OXNAD1: variants seen among roughly 807,000 people sequenced by gnomAD.
OXNAD1 encodes the protein oxidoreductase NAD binding domain containing 1.
A neutral mutation model predicts 32.9 loss-of-function variants in OXNAD1; 34 were observed. The ratio of observed to expected loss-of-function variants is 1.03; its 90% CI spans 0.79 to 1.38. The LOEUF (loss-of-function observed/expected upper bound fraction) is 1.38, where lower values mean the gene tolerates loss of function less well. Ranked by LOEUF, OXNAD1 falls within the 40% of genes most tolerant of loss-of-function variation. The pLI, the probability that OXNAD1 is intolerant of heterozygous loss-of-function variation, is 0.00. For synonymous variants in OXNAD1, 134 were observed against 135.2 expected, an observed-to-expected ratio of 0.99 and a Z score of 0.06; for missense variants, 407 against 379.4, an observed-to-expected ratio of 1.07 and a Z score of -0.60.
In OXNAD1 at chr3:16,301,265, A is replaced by G. The variant is rs539267652; in HGVS notation, c.433-361A>G. 8.5e-5 allele frequency among the ~76,000 whole-genome samples: 13 copies of G among 152,366 alleles called. No homozygotes were observed. Among genetic ancestry groups the G allele is most frequent in the African/African-American group, 3.1e-4 (13 of 41,592 alleles). Reference sequence around the variant, plus strand: ...TCAGCTTTGGTTAGAACACAGGAACACAACTCAGATAAAGGAGACCCATAC... The same window carrying G: ...TCAGCTTTGGTTAGAACACAGGAACGCAACTCAGATAAAGGAGACCCATAC... On this transcript the variant is annotated intron_variant, in intron 6 of 8. Transcript: ENST00000285083. The surrounding 1 kb of genome is among the most constrained non-coding windows in gnomAD (Gnocchi z 4.1).
chr3:16,313,714 A>G (rs1013212146), intron 9 of OXNAD1: 2 of 152,142 alleles, frequency 1.3e-5, no homozygotes, highest in Non-Finnish European at 2.9e-5. Flanking sequence ...ACACATGTAG[A>G]CTGGGTCTAG....
intron 9 of OXNAD1, among the ~76,000 whole-genome samples, chr3:16,311,136 TCCC>T (rs2067953314): frequency 6.9e-6 from 1 of 145,702 alleles, no homozygotes; most frequent in Non-Finnish European, 1.5e-5. Context: ...CACAACTCCC[TCCC>T]TCCCTCCCAA....
intron 4 of OXNAD1, among the ~76,000 whole-genome samples, chr3:16,283,221 C>G (rs1224375718): frequency 6.6e-6 from 1 of 152,154 alleles, no homozygotes; most frequent in Non-Finnish European, 1.5e-5. Context: ...CAGGTGCAGT[C>G]TTCTCTATCT....
downstream of OXNAD1, among the ~76,000 whole-genome samples, chr3:16,310,233 C>A (rs902493951): frequency 3.3e-5 from 5 of 152,126 alleles, no homozygotes; most frequent in African/African-American, 1.2e-4. Flanking sequence ...TATTAACTTA[C>A]GCATTTTGTG....
downstream of OXNAD1, among the ~76,000 whole-genome samples, chr3:16,337,883 G>T (rs1452465022): frequency 1.3e-5 from 2 of 152,194 alleles, no homozygotes; most frequent in Non-Finnish European, 2.9e-5. The surrounding 1 kb of genome is among the most constrained non-coding windows in gnomAD (Gnocchi z 5.0). Context: ...CTCCAGGCCG[G>T]ACACTTTGGC....
In OXNAD1 at chr3:16,312,694, G is replaced by C. The variant is rs1250107872; in HGVS notation, c.*30+9102G>C. On this transcript the variant is annotated intron_variant, in intron 9 of 9. Coordinates refer to the OXNAD1 transcript ENST00000435829. This position sits in a 1 kb window ranked among gnomAD's most constrained non-coding sequence, Gnocchi z 4.7. ...CTACACCTGAGAGCTATTCCTGAAC[G>C]ATTTTGTGGTTTAGAGAGGGCCATG... Among the ~76,000 whole-genome samples the C allele has an allele frequency of 1.3e-5, 2 of 152,204 alleles. No homozygotes were observed.
At chr3:16,328,164 T>G (rs1574985761) in intron 9 of OXNAD1, among the ~76,000 whole-genome samples, 1 of 152,248 alleles carries the variant, frequency 6.6e-6, no homozygotes, top group African/African-American at 2.4e-5. Context: ...AAGGGCTCTC[T>G]GGCAGGGCCA....
At chr3:16,319,617 A>C (rs1377832048) in intron 9 of OXNAD1, among the ~76,000 whole-genome samples, 1 of 152,202 alleles carries the variant, frequency 6.6e-6, no homozygotes, top group East Asian at 1.9e-4. Flanking sequence ...TGCTCTTGCT[A>C]AATAACAGAG....
At chr3:16,293,747 GA>G (rs1213964096) in intron 5 of OXNAD1, among the ~76,000 whole-genome samples, 6 of 152,324 alleles carry the variant, frequency 3.9e-5, no homozygotes, top group African/African-American at 1.4e-4. Flanking sequence ...TCTTAGGGGG[GA>G]AACTTTCAGC....
At position 16,303,386 on chromosome 3, in the gene OXNAD1, T is replaced by A; in HGVS notation, c.785-22T>A. The A allele has an allele frequency of 1.2e-6, 2 of 1,612,244 alleles. No homozygotes were observed. Among genetic ancestry groups the A allele is most frequent in the Middle Eastern group, 1.7e-4 (1 of 6,048 alleles). On this transcript the variant is annotated intron_variant, in intron 8 of 8. Coordinates refer to ENST00000285083, the MANE Select transcript of OXNAD1 (RefSeq NM_138381.5). This position sits in a 1 kb window ranked among gnomAD's most constrained non-coding sequence, Gnocchi z 4.8. ...TACAACCATGTCTGGCTTAATTTGG[T>A]GTTTATTCTGGTTTTTGGTAGAAGG... is the stretch of plus-strand genomic sequence containing the variant.
Position 16,265,659 on chromosome 3 carries a change from TAAC to T in OXNAD1, c.-159+156_-159+158del, listed in dbSNP as rs2064437540. Among the ~76,000 whole-genome samples, 1 of 152,234 alleles carries T rather than the reference TAAC, an allele frequency of 6.6e-6. No homozygotes were observed. The highest frequency in any genetic ancestry group is 2.4e-5 in the African/African-American group (1 of 41,464). On this transcript the variant is annotated intron_variant, in intron 1 of 8. Coordinates refer to ENST00000285083, the MANE Select transcript of OXNAD1 (RefSeq NM_138381.5). This position sits in a 1 kb window ranked among gnomAD's most constrained non-coding sequence, Gnocchi z 4.8. ...CGACGATGATTTTTAGTAATAGTAA[TAAC>T]ATCACCTTTTATTATTGGGAAGTTA...
In OXNAD1 at chr3:16,334,472, G is replaced by T. The variant is rs939401316; in HGVS notation, c.*31-2640G>T. ...AGAGTTATTCACTGGAGAGCGGTCT[G>T]CAGTAGCAAGACACTGGAAACTACT... is the stretch of plus-strand genomic sequence containing the variant. On this transcript the variant is annotated intron_variant, in intron 9 of 9. Coordinates refer to the OXNAD1 transcript ENST00000435829. This position sits in a 1 kb window ranked among gnomAD's most constrained non-coding sequence, Gnocchi z 4.3. Among the ~76,000 whole-genome samples, 3 of 152,222 alleles carry T rather than the reference G, an allele frequency of 2.0e-5. No individual in the cohort carries two copies. The highest frequency in any genetic ancestry group is 7.2e-5 in the African/African-American group (3 of 41,460).
chr3:16,299,207 AAG>A lies in OXNAD1; in HGVS notation c.433-2413_433-2412del, dbSNP rs1303005594. Among the ~76,000 whole-genome samples the A allele has an allele frequency of 6.6e-6, 1 of 152,234 alleles. No individual in the cohort carries two copies. The highest frequency in any genetic ancestry group is 1.5e-5 in the Non-Finnish European group (1 of 68,044). On this transcript the variant is annotated intron_variant, in intron 6 of 8. Transcript: ENST00000285083. The surrounding 1 kb of genome is among the most constrained non-coding windows in gnomAD (Gnocchi z 4.4). ...TCTTTCACTCTGATTCTTATAGATAAAGAGAGAACTGCACAGGCAAGCAAGAG... is the reference window on the plus strand; with the variant it reads ...TCTTTCACTCTGATTCTTATAGATAAAGAGAACTGCACAGGCAAGCAAGAG...
intron 9 of OXNAD1, chr3:16,323,475 G>A: frequency 6.3e-7 from 1 of 1,596,048 alleles, no homozygotes; most frequent in Non-Finnish European, 8.6e-7. Context: ...ACACGGAGCT[G>A]AGAATGAGCC....
chr3:16,265,892 G>C lies in OXNAD1; in HGVS notation c.-159+387G>C, dbSNP rs2064461306. On this transcript the variant is annotated intron_variant, in intron 1 of 8. Coordinates refer to ENST00000285083, the MANE Select transcript of OXNAD1 (RefSeq NM_138381.5). The surrounding 1 kb of genome is among the most constrained non-coding windows in gnomAD (Gnocchi z 4.8). ...CCAGTTTTTTCGTTGTGAAAGAAAT[G>C]GTGTCAGTAGGCAGGTTTATCAGTG... The C allele has an allele frequency of 1.0e-6, 1 of 985,206 alleles. No individual in the cohort carries two copies. Among genetic ancestry groups the C allele is most frequent in the South Asian group, 4.7e-5 (1 of 21,292 alleles). The allele number at this position is 985,206 out of a possible 1,614,324, so 61.0% of individuals were successfully genotyped here. A position where few individuals can be genotyped will look rare whatever the true frequency, so the allele number is the denominator to read the frequency against.
rs1315482913 is a variant in OXNAD1, at chr3:16,277,283, A to T, written c.183+5561A>T. ...CCCATACAGAATGAGAACTGCGAAG[A>T]GTTGGGAGGAACTGGAGAAAGCTAG... On this transcript the variant is annotated intron_variant, in intron 4 of 8. Coordinates refer to ENST00000285083, the MANE Select transcript of OXNAD1 (RefSeq NM_138381.5). This position sits in a 1 kb window ranked among gnomAD's most constrained non-coding sequence, Gnocchi z 4.3. 6.6e-6 allele frequency among the ~76,000 whole-genome samples: 1 copy of T among 151,984 alleles called. No homozygotes were observed. The highest frequency in any genetic ancestry group is 2.4e-5 in the African/African-American group (1 of 41,352).
rs2071588972 is a variant in OXNAD1, at chr3:16,345,435, G to A, written c.*31-3741G>A. On this transcript the variant is annotated intron_variant, in intron 9 of 9. Transcript: ENST00000606098. This position sits in a 1 kb window ranked among gnomAD's most constrained non-coding sequence, Gnocchi z 5.2. The stretch of plus-strand genomic sequence containing the variant: ...CATAAACATTATTTTTGGGCATGTT[G>A]TGAGGGTGTTTCTGGAAAAGATTAG... 6.6e-6 allele frequency among the ~76,000 whole-genome samples: 1 copy of A among 152,192 alleles called. No homozygotes were observed. The highest frequency in any genetic ancestry group is 1.9e-4 in the East Asian group (1 of 5,196).
At chr3:16,296,494 A>C (rs2066805715) in intron 6 of OXNAD1, among the ~76,000 whole-genome samples, 1 of 152,236 alleles carries the variant, frequency 6.6e-6, no homozygotes, top group Non-Finnish European at 1.5e-5. Context: ...TATATGGAAC[A>C]AAAAAGGACC....
rs566586305 is a variant in OXNAD1 at position 16,268,758 on chromosome 3, A to G, written c.-158-368A>G. ...TATTTTAGCAATAGTTGTCTAAAACATTGAACAGAACAGTATTTCCATATT... is the reference window on the plus strand; with the variant it reads ...TATTTTAGCAATAGTTGTCTAAAACGTTGAACAGAACAGTATTTCCATATT... On this transcript the variant is annotated intron_variant, in intron 1 of 8. Coordinates refer to ENST00000285083, the MANE Select transcript of OXNAD1 (RefSeq NM_138381.5). Among the ~76,000 whole-genome samples the G allele has an allele frequency of 3.3e-5, 5 of 152,352 alleles. No homozygotes were observed. In the South Asian group the frequency reaches 8.3e-4, roughly 25 times the overall value.
Sources: allele counts gnomAD v4.1 joint callset (sites outside exome capture counted in the v4.1 genomes callset), GRCh38; gene constraint gnomAD v4.1.1; non-coding constraint Gnocchi (gnomAD v3.1); transcripts MANE v1.5; gene names NCBI Gene and HGNC (gene_info 2026-07-23, HGNC 2026-07-21).